PLA2G5: variants seen among roughly 807,000 people sequenced by gnomAD.
The protein encoded by PLA2G5 is phospholipase A2 group V.
In PLA2G5, 12 loss-of-function variants were observed where a neutral mutation model predicts 15.9. The observed-to-expected ratio is 0.76, with a 90% confidence interval of 0.48 to 1.23. The LOEUF (loss-of-function observed/expected upper bound fraction) is 1.23. Among genes scored for constraint, PLA2G5 ranks in the 50% most tolerant of loss-of-function variants. The probability of loss-of-function intolerance (pLI) is 0.00; values close to 1 mark genes in which losing one functional copy is unlikely to be tolerated. For missense variants in PLA2G5, 169 were observed against 177.1 expected (o/e 0.95, Z 0.26); for synonymous variants, 71 against 71.4 (o/e 0.99, Z 0.03).
intron 1 of PLA2G5, among the ~76,000 whole-genome samples, chr1:20,032,511 G>A (rs984008372): frequency 6.6e-6 from 1 of 152,176 alleles, no homozygotes; most frequent in Non-Finnish European, 1.5e-5. Flanking sequence ...GGCCTGGTGT[G>A]TGGGGAAAGG....
At chr1:20,056,840 G>A (rs953599918) in intron 1 of PLA2G5, among the ~76,000 whole-genome samples, 1 of 151,958 alleles carries the variant, frequency 6.6e-6, no homozygotes, top group East Asian at 1.9e-4. Context: ...AAACTATCTG[G>A]GCCTAATAGT....
rs755878705 is a variant in PLA2G5, at chr1:20,090,642, C to G, written c.367C>G (p.Arg123Gly). 2.5e-6 allele frequency: 4 copies of G among 1,613,826 alleles called. No individual in the cohort carries two copies. In the Admixed American group the frequency reaches 5.0e-5, roughly 20 times the overall value. Residue 123 changes from arginine to glycine, a missense_variant, in exon 5 of 5, where the codon CGG (arginine) becomes GGG (glycine). Arg to Gly is a moderately radical substitution (Grantham distance 125). Coordinates refer to ENST00000375108, the MANE Select transcript of PLA2G5 (RefSeq NM_000929.3). ...KLVYCLKRNL[R>G]SYNPQYQYFP... The stretch of plus-strand genomic sequence containing the variant: ...CGTCTACTGCCTCAAGAGAAACCTA[C>G]GGAGCTACAACCCACAGTACCAATA...
At chr1:20,040,098 C>CA (rs1197556577) in intron 1 of PLA2G5, among the ~76,000 whole-genome samples, 29 of 152,168 alleles carry the variant, frequency 1.9e-4, no homozygotes, top group Middle Eastern at 3.4e-3. Context: ...AACACACAAA[C>CA]AAAAAACTGT....
At chr1:20,067,703 T>A (rs2015113729), upstream of PLA2G5, among the ~76,000 whole-genome samples, 1 of 146,108 alleles carries the variant, frequency 6.8e-6, no homozygotes, top group African/African-American at 2.5e-5. Flanking sequence ...AAAAAAAAAA[T>A]TATAGTAATT....
intron 1 of PLA2G5, among the ~76,000 whole-genome samples, chr1:20,084,103 A>G (rs1370094106): frequency 2.0e-5 from 3 of 152,064 alleles, no homozygotes; most frequent in Non-Finnish European, 4.4e-5. Context: ...AAGATATAGC[A>G]GAAAGATGCC....
intron 2 of PLA2G5, among the ~76,000 whole-genome samples, chr1:20,061,586 C>CA (rs35346493): frequency 0.23 from 14,930 of 64,726 alleles, 941 homozygotes; most frequent in Non-Finnish European, 0.26. Context: ...ACCCTGTCTC[C>CA]AAAAAAAAAA....
chr1:20,070,292 A>T lies in PLA2G5; in HGVS notation c.-184A>T, dbSNP rs1249634626. On this transcript the variant is annotated 5_prime_UTR_variant, in exon 1 of 5. Coordinates refer to ENST00000375108, the MANE Select transcript of PLA2G5 (RefSeq NM_000929.3). ...CTCATCATCGGTCACTCCCATTCAC[A>T]GCTTTAAGATTCTGGAGGCCAAGAA... 1.0e-6 allele frequency: 1 copy of T among 985,302 alleles called. No homozygotes were observed. The highest frequency in any genetic ancestry group is 1.7e-5 in the African/African-American group (1 of 57,218). 61.0% of individuals were successfully genotyped at this position (985,302 alleles called of 1,614,324 possible).
At chr1:20,079,646 A>G (rs948736157) in intron 1 of PLA2G5, among the ~76,000 whole-genome samples, 36 of 152,242 alleles carry the variant, frequency 2.4e-4, no homozygotes, top group African/African-American at 7.7e-4. Flanking sequence ...AGGGTGAGCC[A>G]TTGTGCCTGA....
upstream of PLA2G5, chr1:20,070,127 C>T (rs2015273143): frequency 2.3e-6 from 2 of 874,646 alleles, no homozygotes; most frequent in Non-Finnish European, 2.7e-6. Context: ...GGTGACTGCC[C>T]AGCCCCTTTG....
intron 1 of PLA2G5, among the ~76,000 whole-genome samples, chr1:20,075,868 C>CTTTTTTTT (rs534879331): frequency 2.5e-5 from 3 of 121,780 alleles, no homozygotes; most frequent in African/African-American, 3.1e-5. Flanking sequence ...ATTTCTTTCT[C>CTTTTTTTT]TTTTTTTTTT....
chr1:20,086,488 T>C (rs369406046), intron 3 of PLA2G5, among the ~76,000 whole-genome samples: 8 of 152,218 alleles, frequency 5.3e-5, no homozygotes, highest in East Asian at 3.9e-4. Context: ...ATCTGCCATT[T>C]GGGTAGGGCT....
upstream of PLA2G5, among the ~76,000 whole-genome samples, chr1:20,067,580 C>G (rs2015103389): frequency 6.6e-6 from 1 of 151,898 alleles, no homozygotes; most frequent in Non-Finnish European, 1.5e-5. Flanking sequence ...CCCAGCTACT[C>G]AGGAGGCTGA....
chr1:20,054,739 C>T (rs1293939795), intron 1 of PLA2G5: 2 of 152,218 alleles, frequency 1.3e-5, no homozygotes, highest in Non-Finnish European at 2.9e-5. Context: ...TTCACAATTA[C>T]ACATATTGCT....
intron 1 of PLA2G5, among the ~76,000 whole-genome samples, chr1:20,052,173 CAAAAAA>C (rs34853506): frequency 2.9e-5 from 3 of 102,486 alleles, no homozygotes; most frequent in East Asian, 2.6e-4. Context: ...GACTCCATCT[CAAAAAA>C]AAAAAAAAAA....
At chr1:20,058,470 T>C (rs551753043) in intron 1 of PLA2G5, among the ~76,000 whole-genome samples, 1 of 152,342 alleles carries the variant, frequency 6.6e-6, no homozygotes, top group Non-Finnish European at 1.5e-5. Flanking sequence ...TTAGTATTAG[T>C]AGGGTATATC....
chr1:20,049,285 T>A (rs1459074984), intron 1 of PLA2G5, among the ~76,000 whole-genome samples: 1 of 152,124 alleles, frequency 6.6e-6, no homozygotes, highest in Non-Finnish European at 1.5e-5. Flanking sequence ...TAAAAAGCTT[T>A]TACACGATCA....
upstream of PLA2G5, among the ~76,000 whole-genome samples, chr1:20,067,469 C>T (rs1459997239): frequency 2.0e-5 from 3 of 151,996 alleles, no homozygotes; most frequent in Admixed American, 2.0e-4. Flanking sequence ...GGGCAGCTTG[C>T]CTGAGCTCAG....
upstream of PLA2G5, among the ~76,000 whole-genome samples, chr1:20,068,114 G>A (rs147329438): frequency 9.5e-3 from 1,439 of 151,836 alleles, 9 homozygotes; most frequent in East Asian, 0.018. Flanking sequence ...GCGAGACTCC[G>A]TCTCAAAAAA....
At chr1:20,031,070 G>T (rs983394730) in intron 1 of PLA2G5, among the ~76,000 whole-genome samples, 2 of 152,188 alleles carry the variant, frequency 1.3e-5, no homozygotes, top group Non-Finnish European at 2.9e-5. Flanking sequence ...GGAGATGAAG[G>T]CTGTTTGGTT....
Sources: gnomAD v4.1 joint callset for allele counts (sites outside exome capture counted in the v4.1 genomes callset) on GRCh38, gnomAD v4.1.1 for gene constraint, MANE v1.5 for transcripts, NCBI Gene and HGNC (gene_info 2026-07-23, HGNC 2026-07-21) for gene names.